NEBL: variants seen among roughly 807,000 people sequenced by gnomAD.
NEBL encodes the protein nebulette, also known as LIM and SH3 protein 2.
In NEBL, 122 loss-of-function variants were observed where a neutral mutation model predicts 140.2. The observed-to-expected ratio is 0.87, with a 90% CI of 0.75 to 1.01. NEBL has a LOEUF of 1.01. Among genes scored for constraint, NEBL ranks in the 50% least tolerant of loss-of-function variants. The pLI is 0.00. For missense variants in NEBL, 1,365 were observed against 1,231.3 expected, an observed-to-expected ratio of 1.11 and a Z score of -1.62; for synonymous variants, 436 against 398.9, an observed-to-expected ratio of 1.09 and a Z score of -1.11.
chr10:21,073,986 G>C (rs1416730857), intron 2 of NEBL, among the ~76,000 whole-genome samples: 1 of 151,428 alleles, frequency 6.6e-6, no homozygotes, highest in African/African-American at 2.4e-5. Context: ...GAGGCAGGAG[G>C]ATGGCGTGAA....
At chr10:21,094,733 G>A (rs1234894021) in intron 2 of NEBL, among the ~76,000 whole-genome samples, 1 of 152,122 alleles carries the variant, frequency 6.6e-6, no homozygotes, top group Non-Finnish European at 1.5e-5. Flanking sequence ...CTCTTGGGTG[G>A]TGGCATGAAT....
intron 2 of NEBL, among the ~76,000 whole-genome samples, chr10:21,090,503 G>C (rs1178343890): frequency 6.6e-6 from 1 of 152,194 alleles, no homozygotes; most frequent in African/African-American, 2.4e-5. Context: ...GCCATTTTAT[G>C]TCAGGGACTT....
At chr10:21,084,719 G>A (rs910254653) in intron 2 of NEBL, among the ~76,000 whole-genome samples, 3 of 152,292 alleles carry the variant, frequency 2.0e-5, no homozygotes, top group Admixed American at 6.5e-5. Context: ...CAGGATGGAC[G>A]TCTAAGAAAT....
intron 2 of NEBL, among the ~76,000 whole-genome samples, chr10:21,024,156 T>A (rs1838926533): frequency 6.6e-6 from 1 of 152,096 alleles, no homozygotes; most frequent in Non-Finnish European, 1.5e-5. Flanking sequence ...CTTACTAGCA[T>A]ACTATGCAAT....
Position 21,247,552 on chromosome 10 carries a change from A to G in NEBL, n.348+369T>C, listed in dbSNP as rs1439072997. 2.6e-5 allele frequency among the ~76,000 whole-genome samples: 4 copies of G among 152,138 alleles called. No individual in the cohort carries two copies. In the East Asian group the frequency reaches 7.7e-4, roughly 29 times the overall value. Reference sequence around the variant, plus strand: ...AGACATGGGGTCTTTCTAATTTTTCACCTCATCATCCTCAGCAAGTGGCTG... The same window carrying G: ...AGACATGGGGTCTTTCTAATTTTTCGCCTCATCATCCTCAGCAAGTGGCTG... On this transcript the variant is annotated intron_variant and non_coding_transcript_variant, in intron 3 of 8. Coordinates refer to the NEBL transcript ENST00000675702.
At chr10:21,260,565 T>C (rs10128510) in intron 1 of NEBL, among the ~76,000 whole-genome samples, 9,037 of 152,254 alleles carry the variant, frequency 0.059, 537 homozygotes, top group African/African-American at 0.16. Flanking sequence ...ATTTGGTATA[T>C]TGGCAGCCAA....
chr10:20,796,135 G>A (rs1436471224), intron 26 of NEBL, among the ~76,000 whole-genome samples: 4 of 152,066 alleles, frequency 2.6e-5, no homozygotes, highest in South Asian at 2.1e-4. Context: ...AGGCTGAGGC[G>A]GGCGGATCAT....
In NEBL at chr10:20,781,720, A is replaced by G. The variant is rs1835048684; in HGVS notation, c.*4027T>C. On this transcript the variant is annotated 3_prime_UTR_variant, in exon 28 of 28. Coordinates refer to ENST00000377122, the MANE Select transcript of NEBL (RefSeq NM_006393.3). ...ACAGAATAATAACCACAGAAGCAAC[A>G]TACAATGCCTTGACTTTTTTGATCA... 6.6e-6 allele frequency: 1 copy of G among 152,654 alleles called. No individual in the cohort carries two copies. Among genetic ancestry groups the G allele is most frequent in the African/African-American group, 2.4e-5 (1 of 41,454 alleles). The allele number at this position is 152,654 out of a possible 1,614,324, so 9.5% of individuals were successfully genotyped here. A position where few individuals can be genotyped will look rare whatever the true frequency, so the allele number is the denominator to read the frequency against.
At chr10:20,831,715 A>G (rs1840443707) in intron 14 of NEBL, 132 bp from the exon 15 acceptor site, 4 of 657,192 alleles carry the variant, frequency 6.1e-6, no homozygotes, top group South Asian at 1.8e-5. Context: ...TTATTTCTAT[A>G]GAATAATAGA....
chr10:21,279,390 G>A (rs1418317150), intron 1 of NEBL, among the ~76,000 whole-genome samples: 1 of 149,640 alleles, frequency 6.7e-6, no homozygotes, highest in Non-Finnish European at 1.5e-5. Flanking sequence ...CTAACTTCTG[G>A]CCTCAAGCAA....
chr10:20,962,883 T>G (rs1188918073), intron 3 of NEBL, among the ~76,000 whole-genome samples: 2 of 152,058 alleles, frequency 1.3e-5, no homozygotes, highest in African/African-American at 4.8e-5. Flanking sequence ...TTCACTTCGT[T>G]GAACATGGAA....
chr10:21,108,734 A>G (rs1427958354), intron 2 of NEBL, among the ~76,000 whole-genome samples: 1 of 152,076 alleles, frequency 6.6e-6, no homozygotes, highest in Non-Finnish European at 1.5e-5. Flanking sequence ...CTTCTGTCTC[A>G]TTGATCTGTC....
chr10:20,921,752 C>T (rs1010003116), intron 4 of NEBL, among the ~76,000 whole-genome samples: 3 of 151,698 alleles, frequency 2.0e-5, no homozygotes, highest in Non-Finnish European at 4.4e-5. Flanking sequence ...CACACACATA[C>T]ACATATCCAT....
chr10:20,932,004 A>G (rs1228721123), intron 4 of NEBL, among the ~76,000 whole-genome samples: 1 of 152,102 alleles, frequency 6.6e-6, no homozygotes, highest in Non-Finnish European at 1.5e-5. Context: ...CCACTCACCC[A>G]TTTACTAGAA....
Position 21,187,314 on chromosome 10 carries a change from T to G in NEBL, n.349-14837A>C, listed in dbSNP as rs369391385. On this transcript the variant is annotated intron_variant and non_coding_transcript_variant, in intron 3 of 8. Transcript: ENST00000675702. ...ATATTTCTTCATAACGGCATGAGAATGGACTAATACACTCTCCTAGGTAAG... is the reference window on the plus strand; with the variant it reads ...ATATTTCTTCATAACGGCATGAGAAGGGACTAATACACTCTCCTAGGTAAG... 1.3e-3 allele frequency among the ~76,000 whole-genome samples: 193 copies of G among 152,164 alleles called. 1 individual carries two copies. The highest frequency in any genetic ancestry group is 4.4e-3 in the East Asian group (23 of 5,180).
At position 20,783,343 on chromosome 10, in the gene NEBL, A is replaced by C. The variant is rs1588580387; in HGVS notation, c.*2404T>G. On this transcript the variant is annotated 3_prime_UTR_variant, in exon 28 of 28. Coordinates refer to ENST00000377122, the MANE Select transcript of NEBL (RefSeq NM_006393.3). ...AACATCTTGTTCAGTTTTAGTCTTC[A>C]TTGTAAAACAACTACCCTTTAGTTA... 1 of 152,204 alleles carries C rather than the reference A, an allele frequency of 6.6e-6. No homozygotes were observed. Among genetic ancestry groups the C allele is most frequent in the East Asian group, 1.9e-4 (1 of 5,204 alleles). The allele number at this position is 152,204 out of a possible 1,614,324, so 9.4% of individuals were successfully genotyped here.
intron 2 of NEBL, among the ~76,000 whole-genome samples, chr10:21,085,863 A>T (rs1589220323): frequency 1.3e-5 from 2 of 152,192 alleles, no homozygotes; most frequent in East Asian, 3.9e-4. Context: ...CTCACTCGGC[A>T]GGGCAGGCAA....
chr10:20,947,052 A>C (rs1285655699), intron 4 of NEBL, among the ~76,000 whole-genome samples: 1 of 152,216 alleles, frequency 6.6e-6, no homozygotes, highest in East Asian at 1.9e-4. Flanking sequence ...TCCTGAGAAT[A>C]GGATGATGCT....
At chr10:21,209,622 T>A (rs1841883562) in intron 3 of NEBL, among the ~76,000 whole-genome samples, 1 of 151,550 alleles carries the variant, frequency 6.6e-6, no homozygotes, top group Non-Finnish European at 1.5e-5. Flanking sequence ...GTTTCTCCTA[T>A]CTCCTGATAC....
Sources: allele counts gnomAD v4.1 joint callset (sites outside exome capture counted in the v4.1 genomes callset), GRCh38; gene constraint gnomAD v4.1.1; transcripts MANE v1.5; gene names NCBI Gene and HGNC (gene_info 2026-07-23, HGNC 2026-07-21).